Variants in TBC1D14 observed in about 807,000 individuals in gnomAD.
TBC1D14 encodes the protein TBC1 domain family, member 14.
Under a neutral mutation model 79.0 loss-of-function variants are expected in TBC1D14, and 26 were observed. The ratio of observed to expected loss-of-function variants is 0.33; its 90% CI spans 0.24 to 0.46. The LOEUF (loss-of-function observed/expected upper bound fraction) is 0.46, where lower values mean the gene tolerates loss of function less well. Among genes scored for constraint, TBC1D14 ranks in the 20% least tolerant of loss-of-function variants. The pLI is 1.00. For missense variants in TBC1D14, 769 were observed against 887.6 expected, an observed-to-expected ratio of 0.87 and a Z score of 1.70; for synonymous variants, 394 against 349.9, an observed-to-expected ratio of 1.13 and a Z score of -1.40.
At position 7,031,759 on chromosome 4, in the gene TBC1D14, GCACTC is replaced by G. The variant is rs1723073832; in HGVS notation, c.*1371_*1375del. ...GTACATGTGTGCCTTGGGGTGCTCTGCACTCCACGGCCCTTCTCAGCCACACTTCC... is the reference window on the plus strand; with the variant it reads ...GTACATGTGTGCCTTGGGGTGCTCTGCACGGCCCTTCTCAGCCACACTTCC... On this transcript the variant is annotated 3_prime_UTR_variant, in exon 14 of 14. Coordinates refer to ENST00000409757, the MANE Select transcript of TBC1D14 (RefSeq NM_020773.3). 6.6e-6 allele frequency: 1 copy of G among 152,284 alleles called. No individual in the cohort carries two copies. Among genetic ancestry groups the G allele is most frequent in the African/African-American group, 2.4e-5 (1 of 41,450 alleles). The allele number at this position is 152,284 out of a possible 1,614,324, so 9.4% of individuals were successfully genotyped here.
chr4:6,970,587 GCCAGGT>G (rs1181081827), intron 3 of TBC1D14, among the ~76,000 whole-genome samples: 1 of 152,276 alleles, frequency 6.6e-6, no homozygotes, highest in Non-Finnish European at 1.5e-5. Flanking sequence ...CCATGTTGAG[GCCAGGT>G]CTTGTGCTGC....
At chr4:6,945,336 G>A (rs1713325304) in intron 2 of TBC1D14, among the ~76,000 whole-genome samples, 1 of 152,144 alleles carries the variant, frequency 6.6e-6, no homozygotes, top group Non-Finnish European at 1.5e-5. Flanking sequence ...TAAGGCAGGT[G>A]TTTACAGTTT....
intron 11 of TBC1D14, among the ~76,000 whole-genome samples, chr4:7,012,133 C>T (rs895605624): frequency 2.0e-4 from 30 of 151,816 alleles, no homozygotes; most frequent in African/African-American, 7.3e-4. Flanking sequence ...AACCCCGTCT[C>T]TACTAAAAAT....
At chr4:6,923,292 G>C (rs1724010865) in intron 1 of TBC1D14, 81 bp from the exon 2 acceptor site, 2 of 1,456,122 alleles carry the variant, frequency 1.4e-6, no homozygotes, top group East Asian at 2.3e-5. Flanking sequence ...AGTGAGATCA[G>C]ACCATTTCAG....
chr4:6,930,121 G>A (rs1711594259), intron 2 of TBC1D14, among the ~76,000 whole-genome samples: 1 of 152,224 alleles, frequency 6.6e-6, no homozygotes, highest in South Asian at 2.1e-4. Context: ...GAACTGTGAT[G>A]CTCTGCAAAA....
At chr4:6,917,822 T>A (rs556697762) in intron 1 of TBC1D14, among the ~76,000 whole-genome samples, 2 of 152,292 alleles carry the variant, frequency 1.3e-5, no homozygotes, top group African/African-American at 4.8e-5. Context: ...ACTTCCCCTA[T>A]AAAGGGTATT....
intron 2 of TBC1D14, among the ~76,000 whole-genome samples, chr4:6,950,555 A>G (rs1713940660): frequency 1.3e-5 from 2 of 149,992 alleles, no homozygotes; most frequent in African/African-American, 4.9e-5. Context: ...ACCTTTTATC[A>G]GATACCTTAC....
rs904720203 is a variant in TBC1D14, at chr4:6,987,267, C to G, written c.844-6917C>G. ...CGCGTCCGCCCGCCCGCCCGCGGTC[C>G]GGGAGGGAGGGAGGGAGGCCGGCCC... On this transcript the variant is annotated intron_variant, in intron 3 of 13. Coordinates refer to ENST00000409757, the MANE Select transcript of TBC1D14 (RefSeq NM_020773.3). 6 of 1,303,228 alleles carry G rather than the reference C, an allele frequency of 4.6e-6. No homozygotes were observed. In the African/African-American group the frequency reaches 9.2e-5, roughly 20 times the overall value. 80.7% of individuals were successfully genotyped at this position (1,303,228 alleles called of 1,614,324 possible).
chr4:6,999,844 C>T (rs779136935), intron 6 of TBC1D14, among the ~76,000 whole-genome samples: 4 of 152,132 alleles, frequency 2.6e-5, no homozygotes, highest in Non-Finnish European at 4.4e-5. Context: ...CCCCAGTGTC[C>T]AGTAGAGTGC....
At chr4:6,913,544 G>A (rs149440603) in intron 1 of TBC1D14, among the ~76,000 whole-genome samples, 12 of 152,304 alleles carry the variant, frequency 7.9e-5, no homozygotes, top group African/African-American at 2.4e-4. Context: ...CCTTGGGTGC[G>A]TGACTTAGCC....
rs146555638 is a variant in TBC1D14, at chr4:6,940,411, G to T, written c.722+16300G>T. Reference sequence around the variant, plus strand: ...AATGGAATGTGTGTAGCCCAGAGAGGTCTACAGAAAGAACCGCCCTCAGGG... The same window carrying T: ...AATGGAATGTGTGTAGCCCAGAGAGTTCTACAGAAAGAACCGCCCTCAGGG... On this transcript the variant is annotated intron_variant, in intron 2 of 13. Transcript: ENST00000409757. 7.1e-3 allele frequency among the ~76,000 whole-genome samples: 1,078 copies of T among 152,324 alleles called. 5 individuals carry two copies. Among genetic ancestry groups the T allele is most frequent in the South Asian group, 0.017 (80 of 4,826 alleles).
intron 2 of TBC1D14, among the ~76,000 whole-genome samples, chr4:6,933,975 G>C (rs1056623268): frequency 3.3e-5 from 5 of 152,182 alleles, no homozygotes; most frequent in African/African-American, 9.6e-5. Flanking sequence ...AGATGACTCT[G>C]AGACTTTCGG....
chr4:6,969,705 C>T (rs1018857917), intron 3 of TBC1D14, among the ~76,000 whole-genome samples: 3 of 151,712 alleles, frequency 2.0e-5, no homozygotes, highest in Non-Finnish European at 4.4e-5. Context: ...ATGCCCGGCC[C>T]GACCCTGTTT....
At chr4:6,941,633 C>T (rs28425595) in intron 2 of TBC1D14, among the ~76,000 whole-genome samples, 64,265 of 119,574 alleles carry the variant, frequency 0.54, 14,430 homozygotes, top group African/African-American at 0.62. Context: ...CCTCAGCTTG[C>T]ACATCTGTTC....
chr4:6,954,258 G>A, intron 2 of TBC1D14: 1 of 717,372 alleles, frequency 1.4e-6, no homozygotes, highest in South Asian at 1.5e-5. Flanking sequence ...GAGAGTCCGT[G>A]CTTCTGCAGC....
At chr4:6,961,496 G>C (rs1351846797) in intron 2 of TBC1D14, among the ~76,000 whole-genome samples, 1 of 152,104 alleles carries the variant, frequency 6.6e-6, no homozygotes, top group Non-Finnish European at 1.5e-5. Context: ...GAGCCTGGTG[G>C]TGGGGCTGTG....
rs116837201 is a variant in TBC1D14, at chr4:6,920,295, A to G, written c.-17-3078A>G. Among the ~76,000 whole-genome samples the G allele has an allele frequency of 8.9e-3, 1,348 of 151,542 alleles. 13 individuals carry two copies. The highest frequency in any genetic ancestry group is 0.013 in the Non-Finnish European group (879 of 67,828). ...TTCTCTCCTTTGTTTTTCTGGAGACAGGATTGTGCCCTGTTGCCCAGGCTG... is the reference window on the plus strand; with the variant it reads ...TTCTCTCCTTTGTTTTTCTGGAGACGGGATTGTGCCCTGTTGCCCAGGCTG... On this transcript the variant is annotated intron_variant, in intron 1 of 13. Coordinates refer to ENST00000409757, the MANE Select transcript of TBC1D14 (RefSeq NM_020773.3).
chr4:6,976,630 T>C (rs2109077422), intron 3 of TBC1D14, among the ~76,000 whole-genome samples: 1 of 152,302 alleles, frequency 6.6e-6, no homozygotes, highest in African/African-American at 2.4e-5. Context: ...ACGAAGAATT[T>C]GTTGCCAGCA....
chr4:6,968,328 T>C (rs575812588), intron 3 of TBC1D14, among the ~76,000 whole-genome samples: 31 of 152,182 alleles, frequency 2.0e-4, no homozygotes, highest in African/African-American at 7.5e-4. Flanking sequence ...CACAGACAAC[T>C]GAGGTTAAAG....
Sources: gnomAD v4.1 joint callset for allele counts (sites outside exome capture counted in the v4.1 genomes callset) on GRCh38, gnomAD v4.1.1 for gene constraint, MANE v1.5 for transcripts, NCBI Gene and HGNC (gene_info 2026-07-23, HGNC 2026-07-21) for gene names.